The following NRXN1 variants were observed in gnomAD, a reference collection of about 807,000 sequenced individuals.
NRXN1 encodes neurexin-1.
Under a neutral mutation model 150.9 loss-of-function variants are expected in NRXN1, and 39 were observed. That is an observed-to-expected ratio of 0.26 (90% CI 0.20 to 0.34). The LOEUF is 0.34. Among genes scored for constraint, NRXN1 ranks in the 10% least tolerant of loss-of-function variants. The pLI is 1.00. For missense variants in NRXN1, 1,815 were observed against 1,949.9 expected (o/e 0.93, Z 1.30); for synonymous variants, 924 against 757.0 (o/e 1.22, Z -3.62).
In NRXN1 at chr2:50,346,912, C is replaced by T. The variant is rs772808630; in HGVS notation, c.3365-109942G>A. ...GCCGCCGCCGCCGCCCCCGGGCGAG[C>T]CCAGCTCGGCGCCGCACCGGAGCAT... On this transcript the variant is annotated intron_variant, in intron 17 of 22. Transcript: ENST00000401669. The surrounding 1 kb of genome is among the most constrained non-coding windows in gnomAD (Gnocchi z 5.0). 10 of 1,294,310 alleles carry T rather than the reference C, an allele frequency of 7.7e-6. No individual in the cohort carries two copies. Among genetic ancestry groups the T allele is most frequent in the Non-Finnish European group, 9.8e-7 (1 of 1,021,004 alleles). 80.2% of individuals were successfully genotyped at this position (1,294,310 alleles called of 1,614,324 possible).
At chr2:50,510,714 T>A (rs115857794) in intron 12 of NRXN1, among the ~76,000 whole-genome samples, 1,704 of 152,262 alleles carry the variant, frequency 0.011, 29 homozygotes, top group African/African-American at 0.04. Context: ...GAGCGAATTA[T>A]TAAGTCTCAA....
rs190720424 is a variant in NRXN1, at chr2:51,030,607, C to A, written c.-922+1374G>T. The stretch of plus-strand genomic sequence containing the variant: ...TGCGCACATACACACTGCCCACTAG[C>A]AAAAGGAAATAAAAATCTCAGTTGC... On this transcript the variant is annotated intron_variant, in intron 1 of 22. Transcript: ENST00000401669. 4.9e-4 allele frequency among the ~76,000 whole-genome samples: 74 copies of A among 151,686 alleles called. 1 individual carries two copies. The highest frequency in any genetic ancestry group is 6.8e-3 in the Middle Eastern group (2 of 292).
At chr2:50,441,750 T>C (rs1223991170) in intron 17 of NRXN1, among the ~76,000 whole-genome samples, 4 of 122,090 alleles carry the variant, frequency 3.3e-5, no homozygotes, top group African/African-American at 1.4e-4. Flanking sequence ...AGCTTGATAT[T>C]ATTTTGGTCT....
At chr2:49,977,428 G>A (rs983055694) in intron 21 of NRXN1, among the ~76,000 whole-genome samples, 1 of 152,072 alleles carries the variant, frequency 6.6e-6, no homozygotes, top group Non-Finnish European at 1.5e-5. Flanking sequence ...TAATTATTTG[G>A]ACCCAAATGT....
At chr2:50,503,865 A>C (rs1460502926) in intron 13 of NRXN1, among the ~76,000 whole-genome samples, 3 of 152,112 alleles carry the variant, frequency 2.0e-5, no homozygotes, top group Non-Finnish European at 4.4e-5. Flanking sequence ...CAACATGTTG[A>C]CCAAGTGGTC....
intron 18 of NRXN1, among the ~76,000 whole-genome samples, chr2:50,200,257 A>C (rs1360643123): frequency 6.6e-6 from 1 of 152,166 alleles, no homozygotes; most frequent in Non-Finnish European, 1.5e-5. Context: ...GAGAATCTAG[A>C]TGAACTCTTA....
intron 5 of NRXN1, among the ~76,000 whole-genome samples, chr2:50,668,555 G>C (rs144178496): frequency 6.6e-6 from 1 of 152,102 alleles, no homozygotes; most frequent in Admixed American, 6.6e-5. Context: ...AATAGGTTGT[G>C]TTTTGCTTTA....
Position 50,281,070 on chromosome 2 carries a change from C to T in NRXN1, c.3365-44100G>A, listed in dbSNP as rs1447686290. Among the ~76,000 whole-genome samples the T allele has an allele frequency of 4.0e-5, 6 of 149,952 alleles. No individual in the cohort carries two copies. The South Asian group carries it at 6.3e-4, about 16-fold the overall frequency. ...CTGTAATCCCAGCACTTTGGGAGGC[C>T]GAGGCGGGCAGATCACGAGGTCAGA... On this transcript the variant is annotated intron_variant, in intron 17 of 22. Transcript: ENST00000401669.
intron 8 of NRXN1, among the ~76,000 whole-genome samples, chr2:50,554,924 A>G (rs778696265): frequency 4.6e-5 from 7 of 152,200 alleles, no homozygotes; most frequent in Admixed American, 1.3e-4. Context: ...AACTTGAGCA[A>G]TAACAAAAAG....
intron 2 of NRXN1, among the ~76,000 whole-genome samples, chr2:50,999,004 C>G (rs924740985): frequency 1.3e-5 from 2 of 151,954 alleles, no homozygotes; most frequent in Admixed American, 6.6e-5. Flanking sequence ...CAAATTAAAA[C>G]TAAAACTAAG....
intron 8 of NRXN1, among the ~76,000 whole-genome samples, chr2:50,604,490 T>G (rs1337387386): frequency 6.6e-6 from 1 of 152,158 alleles, no homozygotes; most frequent in Non-Finnish European, 1.5e-5. Flanking sequence ...ATTATTGACC[T>G]CTTTTCCCCA....
chr2:50,281,166 A>T (rs1338177236), intron 17 of NRXN1, among the ~76,000 whole-genome samples: 1 of 138,918 alleles, frequency 7.2e-6, no homozygotes, highest in Non-Finnish European at 1.6e-5. Context: ...AAAAAAAAAA[A>T]AATTAGCTGG....
intron 10 of NRXN1, 37 bp downstream of exon 10, chr2:50,538,216 T>C (rs1320511670): frequency 6.3e-7 from 1 of 1,583,046 alleles, no homozygotes; most frequent in South Asian, 1.2e-5. Flanking sequence ...AAACTTTTCA[T>C]CTCAGGGAGT....
At chr2:50,968,874 G>A (rs915391866) in intron 2 of NRXN1, among the ~76,000 whole-genome samples, 2 of 151,808 alleles carry the variant, frequency 1.3e-5, no homozygotes, top group African/African-American at 4.8e-5. Flanking sequence ...GTTCCATGTC[G>A]ACTCATATCA....
At chr2:50,295,021 T>G (rs1340517126) in intron 17 of NRXN1, among the ~76,000 whole-genome samples, 3 of 152,182 alleles carry the variant, frequency 2.0e-5, no homozygotes, top group Non-Finnish European at 4.4e-5. Flanking sequence ...CAAACTATAT[T>G]AACTATTGGA....
chr2:50,670,192 G>C (rs368470791), intron 5 of NRXN1, among the ~76,000 whole-genome samples: 2 of 151,406 alleles, frequency 1.3e-5, no homozygotes, highest in African/African-American at 4.8e-5. Context: ...TATTCCTAAA[G>C]ATTAGTTCAA....
At chr2:50,196,879 A>G (rs879289701) in intron 18 of NRXN1, among the ~76,000 whole-genome samples, 1 of 152,120 alleles carries the variant, frequency 6.6e-6, no homozygotes, top group Admixed American at 6.6e-5. Context: ...AACACAAAGA[A>G]GGAAACAACA....
At chr2:50,601,565 C>T (rs1676279775) in intron 8 of NRXN1, among the ~76,000 whole-genome samples, 1 of 152,180 alleles carries the variant, frequency 6.6e-6, no homozygotes, top group Non-Finnish European at 1.5e-5. Context: ...CCAAAATGTT[C>T]ACCCTTGGCA....
intron 21 of NRXN1, among the ~76,000 whole-genome samples, chr2:49,988,133 G>C (rs1294957303): frequency 6.6e-6 from 1 of 151,940 alleles, no homozygotes; most frequent in African/African-American, 2.4e-5. Context: ...TGTGATGGTT[G>C]GGAAATATAT....
Sources: gnomAD v4.1 joint callset for allele counts (sites outside exome capture counted in the v4.1 genomes callset) on GRCh38, gnomAD v4.1.1 for gene constraint, Gnocchi (gnomAD v3.1) non-coding constraint, MANE v1.5 for transcripts, NCBI Gene and HGNC (gene_info 2026-07-23, HGNC 2026-07-21) for gene names.